EZH2: variants seen among roughly 807,000 people sequenced by gnomAD.
EZH2 encodes enhancer of zeste 2 polycomb repressive complex 2 subunit.
EZH2 carries 18 observed loss-of-function variants against 98.4 expected under a neutral mutation model. The observed-to-expected ratio is 0.18, with a 90% confidence interval of 0.13 to 0.27. The LOEUF (loss-of-function observed/expected upper bound fraction) is 0.27. Among genes scored for constraint, EZH2 ranks in the 10% least tolerant of loss-of-function variants. The probability of loss-of-function intolerance (pLI) is 1.00; values close to 1 mark genes in which losing one functional copy is unlikely to be tolerated. For synonymous variants in EZH2, 338 were observed against 312.3 expected (o/e 1.08, Z -0.87); for missense variants, 470 against 935.1 (o/e 0.50, Z 6.49).
At position 148,873,557 on chromosome 7, in the gene EZH2, A is replaced by ATTTT. The variant is rs58553084; in HGVS notation, c.-8+10603_-8+10606dup. 1.2e-3 allele frequency among the ~76,000 whole-genome samples: 97 copies of ATTTT among 79,942 alleles called. 5 individuals carry two copies. Among genetic ancestry groups the ATTTT allele is most frequent in the African/African-American group, 4.1e-3 (81 of 19,974 alleles). The allele number at this position is 79,942 out of a possible 152,430, so 52.4% of individuals were successfully genotyped here. A position where few individuals can be genotyped will look rare whatever the true frequency, so the allele number is the denominator to read the frequency against. ...TTTGCAGAATCATTTCATGCTCTTC[A>ATTTT]TTTTTTTTTTTTTTTTTTTTTTTTG... On this transcript the variant is annotated intron_variant, in intron 1 of 19. Transcript: ENST00000320356.
chr7:148,859,382 T>G (rs1288605430), intron 1 of EZH2, among the ~76,000 whole-genome samples: 7 of 152,056 alleles, frequency 4.6e-5, no homozygotes, highest in African/African-American at 1.7e-4. Flanking sequence ...GGCACACACC[T>G]GTAGTCCCGG....
intron 2 of EZH2, among the ~76,000 whole-genome samples, 197 bp downstream of exon 2, chr7:148,846,985 T>C (rs1479245013): frequency 6.6e-6 from 1 of 151,932 alleles, no homozygotes; most frequent in Non-Finnish European, 1.5e-5. Flanking sequence ...CAAATAAAAG[T>C]ATACTAAACA....
Position 148,815,558 on chromosome 7 carries a change from C to CA in EZH2, c.1506-13dup. The CA allele has an allele frequency of 4.3e-6, 7 of 1,613,986 alleles. No individual in the cohort carries two copies. The highest frequency in any genetic ancestry group is 5.9e-6 in the Non-Finnish European group (7 of 1,179,844). ...GTGCAGCCCACAACCTGCAAAAACA[C>CA]AAAGAAAATTAAACCAAATTTCTGC... On this transcript the variant is annotated splice_polypyrimidine_tract_variant and intron_variant, in intron 12 of 19. Coordinates refer to ENST00000320356, the MANE Select transcript of EZH2 (RefSeq NM_004456.5).
intron 19 of EZH2, 116 bp from the exon 20 acceptor site, chr7:148,807,822 A>C: frequency 1.5e-6 from 1 of 655,046 alleles, no homozygotes; most frequent in South Asian, 1.9e-5. Flanking sequence ...TTTAAAAAAA[A>C]AAAAAAAAAA....
chr7:148,846,783 A>T (rs1189833539), intron 2 of EZH2, among the ~76,000 whole-genome samples, 185 bp from the exon 3 acceptor site: 1 of 150,560 alleles, frequency 6.6e-6, no homozygotes, highest in Non-Finnish European at 1.5e-5. Context: ...CACATCTGTT[A>T]TTTTATTGCA....
At chr7:148,816,933 G>A (rs1335582290) in intron 11 of EZH2, 155 bp from the exon 12 acceptor site, 1 of 617,974 alleles carries the variant, frequency 1.6e-6, no homozygotes, top group Non-Finnish European at 2.8e-6. Flanking sequence ...CCTCACATTA[G>A]GGGTAGCTGT....
chr7:148,880,442 T>A (rs554064928), intron 1 of EZH2, among the ~76,000 whole-genome samples: 5 of 152,330 alleles, frequency 3.3e-5, no homozygotes, highest in African/African-American at 1.2e-4. Context: ...CCCTTCCTTA[T>A]ATTTTTGCAA....
At chr7:148,878,077 T>C (rs1040918285) in intron 1 of EZH2, among the ~76,000 whole-genome samples, 2 of 152,220 alleles carry the variant, frequency 1.3e-5, no homozygotes, top group South Asian at 2.1e-4. Context: ...TGGTAAGATA[T>C]ATAGATATAG....
rs1802138872 is a variant in EZH2, at chr7:148,808,542, AC to A, written c.2195+528del. ...CAGCCTAATGCCTAACCACACAGATACCATTGGTGGCCCACGTGTCCCAGGC... is the reference window on the plus strand; with the variant it reads ...CAGCCTAATGCCTAACCACACAGATACATTGGTGGCCCACGTGTCCCAGGC... On this transcript the variant is annotated intron_variant, in intron 19 of 19. Transcript: ENST00000320356. Among the ~76,000 whole-genome samples, 2 of 152,236 alleles carry A rather than the reference AC, an allele frequency of 1.3e-5. 1 individual carries two copies. Among genetic ancestry groups the A allele is most frequent in the South Asian group, 4.1e-4 (2 of 4,834 alleles).
intron 13 of EZH2, 127 bp from the exon 14 acceptor site, chr7:148,815,166 T>C: frequency 1.7e-6 from 2 of 1,198,020 alleles, no homozygotes; most frequent in South Asian, 3.1e-5. Flanking sequence ...ACTGAATGCA[T>C]AACATTACAC....
At chr7:148,826,292 A>C (rs1424190709) in intron 8 of EZH2, among the ~76,000 whole-genome samples, 162 bp downstream of exon 8, 1 of 152,206 alleles carries the variant, frequency 6.6e-6, no homozygotes, top group African/African-American at 2.4e-5. Flanking sequence ...ATTTCAGAGC[A>C]ATCCTCAAGC....
Position 148,839,088 on chromosome 7 carries a change from G to GGAAGGAAA in EZH2, c.247-6339_247-6338insTTTCCTTC, listed in dbSNP as rs1554402479. On this transcript the variant is annotated intron_variant, in intron 3 of 19. Transcript: ENST00000320356. Reference sequence around the variant, plus strand: ...AGGAAGGAAGGAAGGAAGGAAGGAAGGAAGGAAGGAAGGAAGGAAAGTGAG... The same window carrying GGAAGGAAA: ...AGGAAGGAAGGAAGGAAGGAAGGAAGGAAGGAAAGAAGGAAGGAAGGAAGGAAAGTGAG... Among the ~76,000 whole-genome samples, 483 of 140,888 alleles carry GGAAGGAAA rather than the reference G, an allele frequency of 3.4e-3. 7 individuals carry two copies. The highest frequency in any genetic ancestry group is 0.013 in the African/African-American group (466 of 35,028). The allele number at this position is 140,888 out of a possible 152,430, so 92.4% of individuals were successfully genotyped here.
At chr7:148,834,014 T>G (rs550408674) in intron 3 of EZH2, among the ~76,000 whole-genome samples, 1 of 152,298 alleles carries the variant, frequency 6.6e-6, no homozygotes, top group South Asian at 2.1e-4. Flanking sequence ...CATTATCTTC[T>G]GTATCACTAA....
chr7:148,846,848 GTGT>G (rs1563023257), intron 2 of EZH2, among the ~76,000 whole-genome samples: 1 of 81,738 alleles, frequency 1.2e-5, no homozygotes, highest in African/African-American at 6.4e-5. Context: ...CTGTGTGTGT[GTGT>G]GTGTGTGTGT....
chr7:148,871,971 T>C (rs1308516502), intron 1 of EZH2, among the ~76,000 whole-genome samples: 1 of 152,148 alleles, frequency 6.6e-6, no homozygotes, highest in Non-Finnish European at 1.5e-5. Flanking sequence ...CAACCATATA[T>C]CCAAAAGAAT....
intron 18 of EZH2, 45 bp from the exon 19 acceptor site, chr7:148,809,200 C>CG (rs778373604): frequency 1.9e-6 from 3 of 1,595,446 alleles, no homozygotes; most frequent in African/African-American, 1.3e-5. Flanking sequence ...AGACGGGCCA[C>CG]GGGGGGTTAA....
Position 148,866,876 on chromosome 7 carries a change from G to A in EZH2, c.-8+17288C>T, listed in dbSNP as rs116626745. Among the ~76,000 whole-genome samples, 563 of 149,214 alleles carry A rather than the reference G, an allele frequency of 3.8e-3. 2 individuals are homozygous for A. The highest frequency in any genetic ancestry group is 0.013 in the African/African-American group (522 of 41,150). ...ACTACAGGTGCACATCAACGCACCC[G>A]GCTAATTTTTATTTTTTGGTAGAGA... On this transcript the variant is annotated intron_variant, in intron 1 of 19. Coordinates refer to ENST00000320356, the MANE Select transcript of EZH2 (RefSeq NM_004456.5).
intron 8 of EZH2, 148 bp downstream of exon 8, chr7:148,826,306 A>G: frequency 1.7e-6 from 1 of 604,694 alleles, no homozygotes; most frequent in Non-Finnish European, 2.4e-6. Flanking sequence ...CTCAAGCAAC[A>G]AAGTAAAAAT....
chr7:148,825,301 T>A (rs917514772), intron 8 of EZH2, among the ~76,000 whole-genome samples: 1 of 152,244 alleles, frequency 6.6e-6, no homozygotes, highest in Admixed American at 6.5e-5. Flanking sequence ...AACAAATGGA[T>A]GACTTACTAC....
Sources: gnomAD v4.1 joint callset for allele counts (sites outside exome capture counted in the v4.1 genomes callset) on GRCh38, gnomAD v4.1.1 for gene constraint, MANE v1.5 for transcripts, NCBI Gene and HGNC (gene_info 2026-07-23, HGNC 2026-07-21) for gene names.